ASL: variants seen among roughly 807,000 people sequenced by gnomAD.
The protein encoded by ASL is argininosuccinate lyase, also known as argininosuccinase.
Under a neutral mutation model 69.1 loss-of-function variants are expected in ASL, and 51 were observed. The ratio of observed to expected loss-of-function variants is 0.74; its 90% confidence interval spans 0.59 to 0.93. The LOEUF (loss-of-function observed/expected upper bound fraction) is 0.93. Ranked by LOEUF, ASL falls within the 40% of genes least tolerant of loss-of-function variation. The probability of loss-of-function intolerance (pLI) is 0.00; values close to 1 mark genes in which losing one functional copy is unlikely to be tolerated. For missense variants in ASL, 540 were observed against 623.9 expected (o/e 0.87, Z 1.43); for synonymous variants, 241 against 247.6 (o/e 0.97, Z 0.25).
At chr7:66,084,633 C>G (rs933947341) in intron 6 of ASL, among the ~76,000 whole-genome samples, 1 of 151,790 alleles carries the variant, frequency 6.6e-6, no homozygotes, top group African/African-American at 2.4e-5. Flanking sequence ...GTGTGCACCA[C>G]CTGTGAGACA....
intron 14 of ASL, among the ~76,000 whole-genome samples, chr7:66,090,936 A>G (rs955739897): frequency 2.0e-5 from 3 of 151,986 alleles, no homozygotes; most frequent in Admixed American, 6.6e-5. Context: ...CGTCTTTACT[A>G]AAAATATAAA....
In ASL at chr7:66,085,287, G is replaced by A. The variant is rs1017132992; in HGVS notation, c.447-1298G>A. Among the ~76,000 whole-genome samples the A allele has an allele frequency of 4.6e-5, 7 of 152,176 alleles. No individual in the cohort carries two copies. The East Asian group carries it at 1.4e-3, about 30-fold the overall frequency. ...AGGTCAAGAGTTCGAGACCAGCCTGGCCAACATGGTGAAACCCCATCTCTA... is the reference window on the plus strand; with the variant it reads ...AGGTCAAGAGTTCGAGACCAGCCTGACCAACATGGTGAAACCCCATCTCTA... On this transcript the variant is annotated intron_variant, in intron 6 of 16. Coordinates refer to ENST00000304874, the MANE Select transcript of ASL (RefSeq NM_000048.4).
chr7:66,075,916 C>G, intron 1 of ASL, 60 bp downstream of exon 1: 1 of 820,366 alleles, frequency 1.2e-6, no homozygotes, highest in South Asian at 1.7e-5. Context: ...CACCGTGGCG[C>G]GCGCTCACGT....
chr7:66,077,644 G>A (rs1310053236), intron 2 of ASL, among the ~76,000 whole-genome samples: 1 of 151,674 alleles, frequency 6.6e-6, no homozygotes, highest in African/African-American at 2.4e-5. Flanking sequence ...CAGGAGAATC[G>A]CTTGAACTCG....
chr7:66,083,483 G>A (rs923459203), intron 6 of ASL: 15 of 335,824 alleles, frequency 4.5e-5, no homozygotes, highest in Admixed American at 4.4e-4. Context: ...TCAGGAGTTC[G>A]AGACCAGCCT....
intron 2 of ASL, among the ~76,000 whole-genome samples, chr7:66,077,195 G>T (rs191904754): frequency 6.6e-6 from 1 of 152,166 alleles, no homozygotes; most frequent in Non-Finnish European, 1.5e-5. Flanking sequence ...TTGGGAGGCC[G>T]AGGCGGGAGG....
chr7:66,088,745 C>G lies in ASL; in HGVS notation c.719-62C>G, dbSNP rs1024634247. 1.1e-5 allele frequency: 16 copies of G among 1,432,050 alleles called. No individual in the cohort carries two copies. In the East Asian group the frequency reaches 3.5e-4, roughly 31 times the overall value. The allele number at this position is 1,432,050 out of a possible 1,614,324, so 88.7% of individuals were successfully genotyped here. A position where few individuals can be genotyped will look rare whatever the true frequency, so the allele number is the denominator to read the frequency against. ...CCCACCGCCTAACCTCCTCCTGCCC[C>G]CTGTATGGTCAGGCTGGGTGGGGAT... On this transcript the variant is annotated intron_variant, in intron 10 of 16. Transcript: ENST00000304874.
intron 11 of ASL, 43 bp from the exon 12 acceptor site, chr7:66,089,048 G>C: frequency 6.2e-7 from 1 of 1,611,168 alleles, no homozygotes. Flanking sequence ...CGCTGGACCA[G>C]CCAAGGGTCC....
chr7:66,092,987 C>T lies in ASL; in HGVS notation c.*75C>T, dbSNP rs1463515389. 4 of 1,539,614 alleles carry T rather than the reference C, an allele frequency of 2.6e-6. No individual in the cohort carries two copies. Among genetic ancestry groups the T allele is most frequent in the Non-Finnish European group, 3.5e-6 (4 of 1,149,604 alleles). ...GTGTGTTTCCTGCCCCAGCCTGGCT[C>T]CCTCGTTGCTGGGCTTTCGGGGCTG... On this transcript the variant is annotated 3_prime_UTR_variant, in exon 17 of 17. Coordinates refer to ENST00000304874, the MANE Select transcript of ASL (RefSeq NM_000048.4).
Position 66,092,980 on chromosome 7 carries a change from C to T in ASL, c.*68C>T. On this transcript the variant is annotated 3_prime_UTR_variant, in exon 17 of 17. Coordinates refer to ENST00000304874, the MANE Select transcript of ASL (RefSeq NM_000048.4). ...GGCTGCTGTGTGTTTCCTGCCCCAGCCTGGCTCCCTCGTTGCTGGGCTTTC... is the reference window on the plus strand; with the variant it reads ...GGCTGCTGTGTGTTTCCTGCCCCAGTCTGGCTCCCTCGTTGCTGGGCTTTC... The T allele has an allele frequency of 6.5e-7, 1 of 1,544,786 alleles. No individual in the cohort carries two copies. The highest frequency in any genetic ancestry group is 1.2e-5 in the South Asian group (1 of 86,108).
intron 2 of ASL, among the ~76,000 whole-genome samples, chr7:66,078,898 C>A (rs1366171381): frequency 6.7e-6 from 1 of 150,230 alleles, no homozygotes; most frequent in East Asian, 2.0e-4. Context: ...GCCTCCCAAC[C>A]CTGAGGGTTT....
rs138223667 is a variant in ASL at position 66,077,254 on chromosome 7, C to G, written c.12+1161C>G. On this transcript the variant is annotated intron_variant, in intron 2 of 16. Transcript: ENST00000304874. ...GACCAGCCAGGGCAATGTAATGAGACCCTGTCTCTACAAAAAGATTTTGAA... is the reference window on the plus strand; with the variant it reads ...GACCAGCCAGGGCAATGTAATGAGAGCCTGTCTCTACAAAAAGATTTTGAA... Among the ~76,000 whole-genome samples, 300 of 152,122 alleles carry G rather than the reference C, an allele frequency of 2.0e-3. 1 individual carries two copies. The highest frequency in any genetic ancestry group is 6.6e-3 in the African/African-American group (274 of 41,494).
intron 12 of ASL, 26 bp downstream of exon 12, chr7:66,089,201 G>C: frequency 1.2e-6 from 2 of 1,613,202 alleles, no homozygotes; most frequent in Non-Finnish European, 1.7e-6. Flanking sequence ...GGAGGGGCGG[G>C]GCCTCTGGGC....
At chr7:66,082,088 C>T (rs972312966) in intron 3 of ASL, 91 bp downstream of exon 3, 1 of 1,470,440 alleles carries the variant, frequency 6.8e-7, no homozygotes, top group Admixed American at 2.0e-5. Context: ...CAGTGTTGCC[C>T]ATCTGTGGTT....
At chr7:66,079,673 G>A (rs1331103442) in intron 2 of ASL, among the ~76,000 whole-genome samples, 2 of 152,222 alleles carry the variant, frequency 1.3e-5, no homozygotes, top group Non-Finnish European at 1.5e-5. Flanking sequence ...AGGCTGGAGT[G>A]CAGTGGCGTG....
intron 2 of ASL, among the ~76,000 whole-genome samples, chr7:66,080,792 A>G (rs1310768459): frequency 6.6e-6 from 1 of 152,144 alleles, no homozygotes; most frequent in Admixed American, 6.5e-5. Context: ...GGAGTAAGGG[A>G]TCACCCAGTG....
intron 2 of ASL, among the ~76,000 whole-genome samples, chr7:66,079,598 T>C (rs887316508): frequency 6.6e-6 from 1 of 152,006 alleles, no homozygotes; most frequent in Non-Finnish European, 1.5e-5. Flanking sequence ...CTACCAATTA[T>C]TTTATTTTAT....
rs313830 is a variant in ASL at position 66,086,944 on chromosome 7, T to C, written c.602+123T>C. 863,341 of 1,152,862 alleles carry C rather than the reference T, an allele frequency of 0.75. 324,421 individuals are homozygous for C. The highest frequency in any genetic ancestry group is 0.83 in the African/African-American group (54,023 of 65,264). The allele number at this position is 1,152,862 out of a possible 1,614,324, so 71.4% of individuals were successfully genotyped here. The stretch of plus-strand genomic sequence containing the variant: ...CCGCCTTATCTGCTCAGCGGGGGAC[T>C]CTGCATGGAGCCCCAGCTCTCGCTA... On this transcript the variant is annotated intron_variant, in intron 8 of 16. Transcript: ENST00000304874.
chr7:66,092,688 C>T (rs1786884596), intron 16 of ASL, 25 bp downstream of exon 16: 5 of 1,613,564 alleles, frequency 3.1e-6, no homozygotes, highest in Non-Finnish European at 4.2e-6. Context: ...CTTCCCCATG[C>T]TGCCTCCTAG....
Sources: gnomAD v4.1 joint callset for allele counts (sites outside exome capture counted in the v4.1 genomes callset) on GRCh38, gnomAD v4.1.1 for gene constraint, MANE v1.5 for transcripts, NCBI Gene and HGNC (gene_info 2026-07-23, HGNC 2026-07-21) for gene names.